SAMD5: variants seen among roughly 807,000 people sequenced by gnomAD.
SAMD5 encodes sterile alpha motif domain containing 5, also known as sterile alpha motif domain-containing protein 5.
In SAMD5, 13 loss-of-function variants were observed where a neutral mutation model predicts 11.3. The ratio of observed to expected loss-of-function variants is 1.15; its 90% CI spans 0.75 to 1.83. The LOEUF (loss-of-function observed/expected upper bound fraction) is 1.83, where lower values mean the gene tolerates loss of function less well. Among genes scored for constraint, SAMD5 ranks in the 40% most tolerant of loss-of-function variants. The probability of loss-of-function intolerance (pLI) is 0.00; values close to 1 mark genes in which losing one functional copy is unlikely to be tolerated. For missense variants in SAMD5, 255 were observed against 239.1 expected, an observed-to-expected ratio of 1.07 and a Z score of -0.44; for synonymous variants, 129 against 111.3, an observed-to-expected ratio of 1.16 and a Z score of -1.00.
chr6:147,609,911 T>C (rs1277048780), intron 1 of SAMD5, among the ~76,000 whole-genome samples: 2 of 152,220 alleles, frequency 1.3e-5, no homozygotes, highest in Non-Finnish European at 2.9e-5. Flanking sequence ...TAAGCATTTC[T>C]ATTTTTTTTA....
rs546280610 is a variant in SAMD5 at position 147,576,546 on chromosome 6, G to T, written c.162+67159G>T. 3.3e-5 allele frequency among the ~76,000 whole-genome samples: 5 copies of T among 152,230 alleles called. No individual in the cohort carries two copies. In the South Asian group the frequency reaches 1.0e-3, roughly 32 times the overall value. ...AAGGGGGTGGGGCTTTGGGACCAGG[G>T]AGAAAGTGGCCTCACACTCTTCACT... On this transcript the variant is annotated intron_variant, in intron 1 of 1. Coordinates refer to the SAMD5 transcript ENST00000566741.
At chr6:147,888,985 A>G in the SAMD5 span, among the ~76,000 whole-genome samples, 2 of 152,020 alleles carry the variant, frequency 1.3e-5, no homozygotes, top group African/African-American at 2.4e-5. Context: ...TTATGCTTCT[A>G]ATTTGTTGAC....
the SAMD5 span, among the ~76,000 whole-genome samples, chr6:147,893,050 T>C: frequency 6.6e-6 from 1 of 152,006 alleles, no homozygotes; most frequent in Admixed American, 6.5e-5. Flanking sequence ...CTGTCTCTAC[T>C]AAAAATACAA....
chr6:147,927,838 C>T, the SAMD5 span, among the ~76,000 whole-genome samples: 3 of 152,004 alleles, frequency 2.0e-5, no homozygotes, highest in African/African-American at 7.2e-5. Flanking sequence ...GAGGTATGTT[C>T]CTTCAATATC....
At chr6:147,797,823 C>A in the SAMD5 span, among the ~76,000 whole-genome samples, 1 of 149,696 alleles carries the variant, frequency 6.7e-6, no homozygotes, top group Non-Finnish European at 1.5e-5. Context: ...AGGAATGTAT[C>A]CATTTCTTCT....
chr6:147,563,763 C>A (rs1321366022), intron 1 of SAMD5, among the ~76,000 whole-genome samples: 2 of 152,176 alleles, frequency 1.3e-5, no homozygotes, highest in African/African-American at 4.8e-5. Flanking sequence ...CAAATGAATT[C>A]GACTAGGTTG....
At chr6:147,722,619 T>C (rs1467984405) in intron 1 of SAMD5, among the ~76,000 whole-genome samples, 1 of 152,240 alleles carries the variant, frequency 6.6e-6, no homozygotes, top group African/African-American at 2.4e-5. Flanking sequence ...TACAGCTCTT[T>C]ATTATAGTCC....
At chr6:147,517,653 T>G (rs1407444743) in intron 1 of SAMD5, among the ~76,000 whole-genome samples, 1 of 152,142 alleles carries the variant, frequency 6.6e-6, no homozygotes, top group Non-Finnish European at 1.5e-5. Context: ...ACAGTGTTGC[T>G]GTTTCTGTGT....
the SAMD5 span, among the ~76,000 whole-genome samples, chr6:147,942,823 C>CTTTTTTTTT: frequency 1.6e-5 from 2 of 128,848 alleles, no homozygotes; most frequent in Non-Finnish European, 1.6e-5. Flanking sequence ...CCCAATGCTT[C>CTTTTTTTTT]TTTTTTTTTT....
intron 1 of SAMD5, among the ~76,000 whole-genome samples, chr6:147,708,840 G>A (rs1031912460): frequency 1.3e-5 from 2 of 152,226 alleles, no homozygotes. Context: ...TTCAGATGGT[G>A]TCTGCAAGTT....
chr6:147,638,255 G>A (rs1005176575), intron 1 of SAMD5, among the ~76,000 whole-genome samples: 2 of 152,100 alleles, frequency 1.3e-5, no homozygotes, highest in African/African-American at 4.8e-5. Flanking sequence ...GATGGCACAC[G>A]TAACTTACTT....
intron 1 of SAMD5, among the ~76,000 whole-genome samples, chr6:147,698,815 G>T (rs1244281896): frequency 6.6e-6 from 1 of 152,140 alleles, no homozygotes. Flanking sequence ...TAAACAGGAT[G>T]CTCTATGGAA....
intron 1 of SAMD5, among the ~76,000 whole-genome samples, chr6:147,723,854 T>C (rs144122568): frequency 2.5e-4 from 38 of 152,310 alleles, no homozygotes; most frequent in African/African-American, 8.7e-4. Context: ...TGTATAATTT[T>C]GTAGGTTATC....
intron 1 of SAMD5, among the ~76,000 whole-genome samples, chr6:147,542,546 A>T (rs1788623558): frequency 6.6e-6 from 1 of 152,098 alleles, no homozygotes; most frequent in African/African-American, 2.4e-5. Context: ...GTGAGCCAGG[A>T]GTGTTGATTG....
chr6:147,516,533 A>G (rs577383303), intron 1 of SAMD5, among the ~76,000 whole-genome samples: 84 of 152,354 alleles, frequency 5.5e-4, no homozygotes, highest in Non-Finnish European at 1.1e-3. Flanking sequence ...CGACGTCTCT[A>G]TGTATCCTAG....
chr6:147,853,589 C>G, the SAMD5 span, among the ~76,000 whole-genome samples: 3 of 150,932 alleles, frequency 2.0e-5, no homozygotes, highest in Admixed American at 2.0e-4. Context: ...ATAATACTTT[C>G]TTTTTCTTTA....
chr6:147,681,108 A>G (rs1294311754), intron 1 of SAMD5, among the ~76,000 whole-genome samples: 1 of 152,154 alleles, frequency 6.6e-6, no homozygotes, highest in Non-Finnish European at 1.5e-5. Flanking sequence ...TTACCAGTGA[A>G]GCAATTTGGG....
chr6:147,637,657 G>A lies in SAMD5; in HGVS notation c.163-99660G>A, dbSNP rs145460780. Among the ~76,000 whole-genome samples the A allele has an allele frequency of 6.8e-4, 103 of 152,202 alleles. 1 individual carries two copies. Among genetic ancestry groups the A allele is most frequent in the African/African-American group, 2.2e-3 (93 of 41,546 alleles). On this transcript the variant is annotated intron_variant, in intron 1 of 1. Transcript: ENST00000566741. Reference sequence around the variant, plus strand: ...CATTTTGAGAAAGGAAAAAGAAACCGTTCACCTCAGGAACACATTTTAGCT... The same window carrying A: ...CATTTTGAGAAAGGAAAAAGAAACCATTCACCTCAGGAACACATTTTAGCT...
At chr6:147,854,898 A>G in the SAMD5 span, among the ~76,000 whole-genome samples, 5 of 152,218 alleles carry the variant, frequency 3.3e-5, no homozygotes, top group Non-Finnish European at 5.9e-5. Flanking sequence ...GACACTATAG[A>G]GAATGTACAG....
Sources: gnomAD v4.1 joint callset for allele counts (sites outside exome capture counted in the v4.1 genomes callset) on GRCh38, gnomAD v4.1.1 for gene constraint, MANE v1.5 for transcripts, NCBI Gene and HGNC (gene_info 2026-07-23, HGNC 2026-07-21) for gene names.